Variants in IQCN observed in about 807,000 individuals in gnomAD.
The protein encoded by IQCN is IQ domain-containing protein N.
A neutral mutation model predicts 64.4 loss-of-function variants in IQCN; 46 were observed. The observed-to-expected ratio is 0.71, with a 90% confidence interval of 0.56 to 0.91. The LOEUF is 0.91. Among genes scored for constraint, IQCN ranks in the 40% least tolerant of loss-of-function variants. The pLI is 0.00. For missense variants in IQCN, 1,753 were observed against 1,857.4 expected, an observed-to-expected ratio of 0.94 and a Z score of 1.03; for synonymous variants, 733 against 775.6, an observed-to-expected ratio of 0.95 and a Z score of 0.91.
chr19:18,269,442 C>T lies in IQCN; in HGVS notation c.13+24G>A, dbSNP rs555661482. ...TCTTCAGGTTGGACTAGCCAGACCC[C>T]TTGCCCATAGACCATCTTCTTACCT... On this transcript the variant is annotated intron_variant, in intron 2 of 3. Coordinates refer to ENST00000392413, the MANE Select transcript of IQCN (RefSeq NM_001145304.2). 3 of 1,613,370 alleles carry T rather than the reference C, an allele frequency of 1.9e-6. No individual in the cohort carries two copies. The African/African-American group carries it at 4.0e-5, about 22-fold the overall frequency.
rs756807232 is a variant in IQCN at position 18,257,534 on chromosome 19, G to A, written c.3750C>T (p.Gly1250=). Residue 1250 remains glycine, a synonymous_variant, in exon 4 of 4, where the codon GGC becomes GGT. Transcript: ENST00000392413. ...GSPPSVVMLV[G]SSPRTCHTCG... is the part of the protein sequence containing the mutation. The stretch of plus-strand genomic sequence containing the variant: ...AGGTATGACAGGTGCGAGGGCTGGA[G>A]CCCACTAGCATCACCACGCTGGGCG... 6.2e-6 allele frequency: 10 copies of A among 1,611,766 alleles called. No homozygotes were observed. Among genetic ancestry groups the A allele is most frequent in the Non-Finnish European group, 7.6e-6 (9 of 1,179,588 alleles).
At chr19:18,269,416 C>G in intron 2 of IQCN, 50 bp downstream of exon 2, 4 of 1,598,918 alleles carry the variant, frequency 2.5e-6, no homozygotes, top group Non-Finnish European at 3.4e-6. Context: ...AGAAGCCCCT[C>G]TCTTCAGGTT....
In IQCN at chr19:18,269,529, G is replaced by A. The variant is rs767506412; in HGVS notation, c.-51C>T. Reference sequence around the variant, plus strand: ...AAGGTGCAATCTCAGAAGCCAGCCTGCAAGAGGAGGCAGCCTTCAGCCTTT... The same window carrying A: ...AAGGTGCAATCTCAGAAGCCAGCCTACAAGAGGAGGCAGCCTTCAGCCTTT... On this transcript the variant is annotated 5_prime_UTR_variant, in exon 2 of 4. Coordinates refer to ENST00000392413, the MANE Select transcript of IQCN (RefSeq NM_001145304.2). The A allele has an allele frequency of 1.2e-6, 2 of 1,603,728 alleles. No individual in the cohort carries two copies. Among genetic ancestry groups the A allele is most frequent in the East Asian group, 4.5e-5 (2 of 44,834 alleles).
chr19:18,257,222 G>A lies in IQCN; in HGVS notation c.4062C>T (p.Asp1354=). 6.2e-7 allele frequency: 1 copy of A among 1,613,654 alleles called. No individual in the cohort carries two copies. ...KNTEALLGPA[D]PSASSRHMHW... is the part of the protein sequence containing the mutation. The stretch of plus-strand genomic sequence containing the variant: ...GCATGTGCCGTGAGCTGGCCGAGGG[G>A]TCTGCTGGTCCCAAGAGCGCCTCTG... Residue 1354 remains aspartate, a synonymous_variant, in exon 4 of 4, where the codon GAC becomes GAT. Transcript: ENST00000392413.
chr19:18,263,383 C>T (rs899779210), intron 3 of IQCN, among the ~76,000 whole-genome samples: 48 of 152,186 alleles, frequency 3.2e-4, no homozygotes, highest in African/African-American at 1.1e-3. Flanking sequence ...ACTGGCTCAC[C>T]GAGGATGGAT....
At position 18,270,051 on chromosome 19, in the gene IQCN, T is replaced by TAAAAAAAAAAAAAAAAAAAAAA. The variant is rs60981546; in HGVS notation, c.-109-486_-109-465dup. Among the ~76,000 whole-genome samples, 4 of 75,830 alleles carry TAAAAAAAAAAAAAAAAAAAAAA rather than the reference T, an allele frequency of 5.3e-5. 1 individual carries two copies. The highest frequency in any genetic ancestry group is 2.5e-4 in the African/African-American group (4 of 15,928). The allele number at this position is 75,830 out of a possible 152,430, so 49.7% of individuals were successfully genotyped here. A position where few individuals can be genotyped will look rare whatever the true frequency, so the allele number is the denominator to read the frequency against. ...GGGAAACTAAGCAAGAACTGTCTCT[T>TAAAAAAAAAAAAAAAAAAAAAA]AAAAAAAAAAAAAAAAAAAAAAAAA... is the stretch of plus-strand genomic sequence containing the variant. On this transcript the variant is annotated intron_variant, in intron 1 of 3. Coordinates refer to ENST00000392413, the MANE Select transcript of IQCN (RefSeq NM_001145304.2).
chr19:18,271,056 C>A (rs888922754), intron 1 of IQCN, among the ~76,000 whole-genome samples: 7 of 150,530 alleles, frequency 4.7e-5, no homozygotes, highest in African/African-American at 1.7e-4. Context: ...CCTGTAATCC[C>A]AGCTACTTCA....
rs2148106852 is a variant in IQCN at position 18,266,889 on chromosome 19, C to T, written c.651G>A (p.Gln217=). Reference sequence around the variant, plus strand: ...CCTGCACACAGGGCTCTGGGGTACCCTGAGCTGCTGGGGGCTGCAGGAGGG... The same window carrying T: ...CCTGCACACAGGGCTCTGGGGTACCTTGAGCTGCTGGGGGCTGCAGGAGGG... ...SSPLLQPPAA[Q]GTPEPCVQGP... The change falls in exon 3 of 4, where the codon CAG becomes CAA. Residue 217 remains glutamine (Q), a synonymous_variant. Transcript: ENST00000392413. This position sits in a 1 kb window ranked among gnomAD's most constrained non-coding sequence, Gnocchi z 4.3. 6.2e-7 allele frequency: 1 copy of T among 1,609,416 alleles called. No homozygotes were observed. The highest frequency in any genetic ancestry group is 8.5e-7 in the Non-Finnish European group (1 of 1,176,934).
Position 18,257,770 on chromosome 19 carries a change from C to T in IQCN, c.3514G>A (p.Gly1172Ser), listed in dbSNP as rs776297454. ...ATTTIQSAWR[G>S]YSTRRDQARH... Reference sequence around the variant, plus strand: ...GCTTGGTCCCGGCGGGTGCTGTAGCCGCGCCAGGCAGACTGGATGGTCGTG... The same window carrying T: ...GCTTGGTCCCGGCGGGTGCTGTAGCTGCGCCAGGCAGACTGGATGGTCGTG... The change falls in exon 4 of 4, where the codon GGC becomes AGC. Residue 1172 changes from glycine (G) to serine (S), a missense_variant. Transcript: ENST00000392413. 7 of 1,611,030 alleles carry T rather than the reference C, an allele frequency of 4.3e-6. No individual in the cohort carries two copies. Among genetic ancestry groups the T allele is most frequent in the African/African-American group, 2.7e-5 (2 of 75,022 alleles).
rs376793944 is a variant in IQCN, at chr19:18,257,480, C to T, written c.3804G>A (p.Val1268=). ...CCTCAGTGCCCTGGCCCATGCCCTG[C>T]ACCACACGGGTGGGCTGTGTGCGTC... ...TCGRTQPTRV[V]QGMGQGTEGP... is the part of the protein sequence containing the mutation. Residue 1268 remains valine (V), a synonymous_variant, in exon 4 of 4, where the codon GTG becomes GTA. Transcript: ENST00000392413. 67 of 1,608,044 alleles carry T rather than the reference C, an allele frequency of 4.2e-5. No homozygotes were observed. The African/African-American group carries it at 7.2e-4, about 17-fold the overall frequency.
At chr19:18,263,932 G>C (rs1969484592) in intron 3 of IQCN, among the ~76,000 whole-genome samples, 1 of 152,184 alleles carries the variant, frequency 6.6e-6, no homozygotes, top group Non-Finnish European at 1.5e-5. Context: ...ACAGAGGGCT[G>C]GTTCATGCTT....
Position 18,265,677 on chromosome 19 carries a change from C to T in IQCN, c.1863G>A (p.Lys621=), listed in dbSNP as rs760822044. Residue 621 remains lysine (K), a synonymous_variant, in exon 3 of 4, where the codon AAG becomes AAA. Coordinates refer to ENST00000392413, the MANE Select transcript of IQCN (RefSeq NM_001145304.2). This position sits in a 1 kb window ranked among gnomAD's most constrained non-coding sequence, Gnocchi z 4.7. ...CAGCCATTTCCACTGCCACACTGGT[C>T]TTAAATGCCATGTCTGTTTTCGCCT... is the stretch of plus-strand genomic sequence containing the variant. ...QKQAKTDMAF[K]TSVAVEMAGA... is the part of the protein sequence containing the mutation. The T allele has an allele frequency of 2.6e-5, 42 of 1,614,062 alleles. 3 individuals carry two copies. In the South Asian group the frequency reaches 4.4e-4, roughly 17 times the overall value.
intron 3 of IQCN, among the ~76,000 whole-genome samples, chr19:18,263,911 T>C (rs1171903903): frequency 6.6e-6 from 1 of 152,100 alleles, no homozygotes; most frequent in East Asian, 1.9e-4. Flanking sequence ...CTCGGGGCTG[T>C]GCCATAGATC....
At chr19:18,271,016 A>G (rs1435962914) in intron 1 of IQCN, among the ~76,000 whole-genome samples, 4 of 151,680 alleles carry the variant, frequency 2.6e-5, no homozygotes, top group Non-Finnish European at 4.4e-5. Flanking sequence ...TACTAAAAAT[A>G]CAAAACTTAG....
chr19:18,274,337 CCA>C (rs1001766000), intron 1 of IQCN, 64 bp downstream of exon 1: 2 of 152,626 alleles, frequency 1.3e-5, no homozygotes, highest in Non-Finnish European at 2.9e-5. Context: ...TCCACCAGCC[CCA>C]CTCACCCGCC....
intron 2 of IQCN, 109 bp from the exon 3 acceptor site, chr19:18,267,635 T>C (rs1568281897): frequency 2.2e-6 from 3 of 1,363,000 alleles, no homozygotes; most frequent in African/African-American, 2.9e-5. Context: ...TCCTGGCACG[T>C]TGCGATCTTC....
At chr19:18,268,961 CAA>C (rs35086395) in intron 2 of IQCN, among the ~76,000 whole-genome samples, 8 of 54,398 alleles carry the variant, frequency 1.5e-4, no homozygotes, top group Non-Finnish European at 1.8e-4. Flanking sequence ...GACTCTGTCT[CAA>C]AAAAAAAAAA....
At chr19:18,258,775 G>C (rs8107255) in intron 3 of IQCN, 13,715 of 243,442 alleles carry the variant, frequency 0.056, 930 homozygotes, top group African/African-American at 0.18. Context: ...TGATTTGGGG[G>C]TATGACGTGA....
In IQCN at chr19:18,265,564, C is replaced by T. The variant is rs139682639; in HGVS notation, c.1976G>A (p.Arg659Gln). 9.9e-5 allele frequency: 159 copies of T among 1,611,140 alleles called. 1 individual carries two copies. Among genetic ancestry groups the T allele is most frequent in the African/African-American group, 5.1e-4 (38 of 74,824 alleles). Residue 659 changes from arginine to glutamine, a missense_variant, in exon 3 of 4, where the codon CGG becomes CAG. Transcript: ENST00000392413. The surrounding 1 kb of genome is among the most constrained non-coding windows in gnomAD (Gnocchi z 4.7). Reference protein sequence around the residue: ...VPVDMAVTLPRGQLAAPLTNA... With the variant: ...VPVDMAVTLPQGQLAAPLTNA... ...GGTCAGTGGGGCAGCCAGCTGTCCCCGGGGCAGGGTGACAGCCATGTCTAC... is the reference window on the plus strand; with the variant it reads ...GGTCAGTGGGGCAGCCAGCTGTCCCTGGGGCAGGGTGACAGCCATGTCTAC...
Sources: gnomAD v4.1 joint callset for allele counts (sites outside exome capture counted in the v4.1 genomes callset) on GRCh38, gnomAD v4.1.1 for gene constraint, Gnocchi (gnomAD v3.1) non-coding constraint, MANE v1.5 for transcripts, NCBI Gene and HGNC (gene_info 2026-07-23, HGNC 2026-07-21) for gene names.